UHRF1: variants seen among roughly 807,000 people sequenced by gnomAD.
UHRF1 encodes ubiquitin like with PHD and ring finger domains 1.
A neutral mutation model predicts 96.5 loss-of-function variants in UHRF1; 9 were observed. The ratio of observed to expected loss-of-function variants is 0.09; its 90% confidence interval spans 0.06 to 0.16. The LOEUF (loss-of-function observed/expected upper bound fraction) is 0.16, where lower values mean the gene tolerates loss of function less well. UHRF1 is among the 10% of genes least tolerant of loss of function. The pLI is 1.00. For synonymous variants in UHRF1, 455 were observed against 469.9 expected, an observed-to-expected ratio of 0.97 and a Z score of 0.41; for missense variants, 626 against 1,131.1, an observed-to-expected ratio of 0.55 and a Z score of 6.40.
In UHRF1 at chr19:4,939,218, ATTTT is replaced by A. The variant is rs35132707; in HGVS notation, c.786-2291_786-2288del. ...CAGGCATGAGCCACTGCACCCGGCC[ATTTT>A]TTTTTTTTTTTTTTTTTTAATTTTC... On this transcript the variant is annotated intron_variant, in intron 5 of 16. Transcript: ENST00000650932. 9.3e-4 allele frequency among the ~76,000 whole-genome samples: 112 copies of A among 120,778 alleles called. 1 individual carries two copies. The highest frequency in any genetic ancestry group is 2.7e-3 in the African/African-American group (86 of 31,544). The allele number at this position is 120,778 out of a possible 152,430, so 79.2% of individuals were successfully genotyped here. A position where few individuals can be genotyped will look rare whatever the true frequency, so the allele number is the denominator to read the frequency against.
intron 2 of UHRF1, among the ~76,000 whole-genome samples, chr19:4,926,953 C>G (rs1182419364): frequency 6.6e-6 from 1 of 152,086 alleles, no homozygotes; most frequent in Non-Finnish European, 1.5e-5. Flanking sequence ...ATCCCCGCTA[C>G]TTGGGAGGCT....
Position 4,924,465 on chromosome 19 carries a change from G to A in UHRF1, c.154-4757G>A, listed in dbSNP as rs145951796. On this transcript the variant is annotated intron_variant, in intron 2 of 16. Coordinates refer to ENST00000650932, the MANE Select transcript of UHRF1 (RefSeq NM_001048201.3). ...CACCCGGCCAATTTTTGTATTTTTA[G>A]TGGAGACGGGGTTTGGCAATGTTGC... Among the ~76,000 whole-genome samples the A allele has an allele frequency of 1.7e-3, 260 of 152,134 alleles. 1 individual carries two copies. Among genetic ancestry groups the A allele is most frequent in the Admixed American group, 2.0e-3 (31 of 15,274 alleles).
Position 4,930,996 on chromosome 19 carries a change from C to T in UHRF1, c.569+120C>T, listed in dbSNP as rs922789356. Reference sequence around the variant, plus strand: ...AGATGGTGATCAGGATCTGGGGCCCCATCCTCGAATTCCTAACAGCATACG... The same window carrying T: ...AGATGGTGATCAGGATCTGGGGCCCTATCCTCGAATTCCTAACAGCATACG... On this transcript the variant is annotated intron_variant, in intron 4 of 16. Transcript: ENST00000650932. The surrounding 1 kb of genome is among the most constrained non-coding windows in gnomAD (Gnocchi z 4.4). 2 of 1,395,728 alleles carry T rather than the reference C, an allele frequency of 1.4e-6. No homozygotes were observed. Among genetic ancestry groups the T allele is most frequent in the Non-Finnish European group, 2.0e-6 (2 of 1,019,034 alleles). The allele number at this position is 1,395,728 out of a possible 1,614,324, so 86.5% of individuals were successfully genotyped here.
rs562180438 is a variant in UHRF1, at chr19:4,946,506, C to T, written c.1410+541C>T. ...CGGCTGTACAAGTATCTCCAGCCCC[C>T]GTTTTCCATTCTTTTGGGTGTATAT... On this transcript the variant is annotated intron_variant, in intron 10 of 16. Transcript: ENST00000650932. Among the ~76,000 whole-genome samples the T allele has an allele frequency of 8.3e-4, 126 of 152,182 alleles. 1 individual carries two copies. Among genetic ancestry groups the T allele is most frequent in the African/African-American group, 2.4e-3 (100 of 41,510 alleles).
At position 4,927,380 on chromosome 19, in the gene UHRF1, CAAA is replaced by C. The variant is rs35783129; in HGVS notation, c.154-1821_154-1819del. On this transcript the variant is annotated intron_variant, in intron 2 of 16. Coordinates refer to ENST00000650932, the MANE Select transcript of UHRF1 (RefSeq NM_001048201.3). ...TGGGCGACAGAGTGAGACTCCATCT[CAAA>C]AAAAAAAAAAAAAAAAAAAATTTTT... Among the ~76,000 whole-genome samples, 655 of 83,458 alleles carry C rather than the reference CAAA, an allele frequency of 7.8e-3. 3 individuals carry two copies. The highest frequency in any genetic ancestry group is 0.029 in the African/African-American group (628 of 21,320). 54.8% of individuals were successfully genotyped at this position (83,458 alleles called of 152,430 possible). A position where few individuals can be genotyped will look rare whatever the true frequency, so the allele number is the denominator to read the frequency against.
chr19:4,914,898 T>C (rs1391922677), intron 2 of UHRF1, among the ~76,000 whole-genome samples: 2 of 152,072 alleles, frequency 1.3e-5, no homozygotes, highest in Non-Finnish European at 2.9e-5. Context: ...AGGCTCACAA[T>C]GAAAGCGAAA....
rs750977690 is a variant in UHRF1 at position 4,929,458 on chromosome 19, G to A, written c.390G>A (p.Thr130=). ...RPADEDMWDE[T]ELGLYKVNEY... ...CCGATGAGGACATGTGGGATGAGAC[G>A]GAATTGGGGCTGTACAAGGTGAGCC... is the stretch of plus-strand genomic sequence containing the variant. Residue 130 remains threonine, a synonymous_variant, in exon 3 of 17, where the codon ACG becomes ACA. Transcript: ENST00000650932. The A allele has an allele frequency of 3.7e-6, 6 of 1,613,586 alleles. No homozygotes were observed. The highest frequency in any genetic ancestry group is 2.2e-5 in the East Asian group (1 of 44,878).
chr19:4,960,739 A>G lies in UHRF1; in HGVS notation c.2318A>G (p.Gln773Arg). Reference sequence around the variant, plus strand: ...GACCTGGGCCGCAGCTATGCCATGCAGGTGAACCAGCCTCTGCAGACCGTC... The same window carrying G: ...GACCTGGGCCGCAGCTATGCCATGCGGGTGAACCAGCCTCTGCAGACCGTC... ...RYDLGRSYAM[Q>R]VNQPLQTVLN... is the part of the protein sequence containing the mutation. Residue 773 changes from glutamine (Q) to arginine (R), a missense_variant, in exon 17 of 17, where the codon CAG becomes CGG. Transcript: ENST00000650932. The G allele has an allele frequency of 6.4e-7, 1 of 1,569,770 alleles. No individual in the cohort carries two copies. Among genetic ancestry groups the G allele is most frequent in the Non-Finnish European group, 8.6e-7 (1 of 1,157,990 alleles).
intron 16 of UHRF1, among the ~76,000 whole-genome samples, chr19:4,958,607 C>A (rs576945765): frequency 6.6e-6 from 1 of 152,336 alleles, no homozygotes; most frequent in Non-Finnish European, 1.5e-5. Context: ...TGCTCTGTTC[C>A]AACTTGGGAA....
At chr19:4,926,870 C>G (rs1436066479) in intron 2 of UHRF1, among the ~76,000 whole-genome samples, 2 of 152,034 alleles carry the variant, frequency 1.3e-5, no homozygotes, top group Non-Finnish European at 2.9e-5. Context: ...CGAGACCATT[C>G]TGGCTAACAT....
chr19:4,914,361 A>G lies in UHRF1; in HGVS notation c.153+3323A>G, dbSNP rs192613257. Among the ~76,000 whole-genome samples the G allele has an allele frequency of 2.0e-4, 31 of 152,260 alleles. 1 individual carries two copies. Among genetic ancestry groups the G allele is most frequent in the African/African-American group, 7.2e-4 (30 of 41,574 alleles). On this transcript the variant is annotated intron_variant, in intron 2 of 16. Transcript: ENST00000650932. ...CAGTTCCCGGTGGGCACAAATGGGC[A>G]GTTGTCCTTATAGAATGTTCTAGAG...
At chr19:4,944,485 C>T (rs375468042) in intron 9 of UHRF1, 35 bp downstream of exon 9, 49 of 1,608,834 alleles carry the variant, frequency 3.0e-5, no homozygotes, top group African/African-American at 2.4e-4. Context: ...AGGGGCCACG[C>T]GGGCTCATCC....
chr19:4,933,996 T>TGTGTGA (rs1274692860), intron 5 of UHRF1, among the ~76,000 whole-genome samples: 2 of 150,454 alleles, frequency 1.3e-5, no homozygotes, highest in African/African-American at 2.4e-5. Context: ...TGTGTGTGTG[T>TGTGTGA]GATAAAATGT....
upstream of UHRF1, among the ~76,000 whole-genome samples, chr19:4,906,273 C>G (rs2032062588): frequency 6.6e-6 from 1 of 152,126 alleles, no homozygotes. Flanking sequence ...GCCACTGCAC[C>G]CAGCTGGACA....
chr19:4,919,755 T>C (rs1412277327), intron 2 of UHRF1, among the ~76,000 whole-genome samples: 2 of 152,152 alleles, frequency 1.3e-5, no homozygotes, highest in Non-Finnish European at 2.9e-5. Flanking sequence ...CTAGGTTCAA[T>C]GATAGGAGAC....
chr19:4,907,042 G>A (rs570142532), upstream of UHRF1, among the ~76,000 whole-genome samples: 28 of 152,336 alleles, frequency 1.8e-4, no homozygotes, highest in South Asian at 1.9e-3. Context: ...TCTGGACATC[G>A]TGGATTAGAA....
chr19:4,920,802 C>T (rs1009760183), intron 2 of UHRF1, among the ~76,000 whole-genome samples: 2 of 152,124 alleles, frequency 1.3e-5, no homozygotes, highest in African/African-American at 4.8e-5. Context: ...TGCATCTTCC[C>T]CAGTGGCTCA....
At chr19:4,936,162 T>G (rs770152423) in intron 5 of UHRF1, among the ~76,000 whole-genome samples, 1 of 152,150 alleles carries the variant, frequency 6.6e-6, no homozygotes, top group Non-Finnish European at 1.5e-5. Context: ...GGGCAGACAC[T>G]GTCCCTTGCC....
chr19:4,928,483 G>T (rs2032941821), intron 2 of UHRF1, among the ~76,000 whole-genome samples: 1 of 152,196 alleles, frequency 6.6e-6, no homozygotes. Flanking sequence ...GCTGAGTCAG[G>T]TGACCCGAGG....
Sources: gnomAD v4.1 joint callset for allele counts (sites outside exome capture counted in the v4.1 genomes callset) on GRCh38, gnomAD v4.1.1 for gene constraint, Gnocchi (gnomAD v3.1) non-coding constraint, MANE v1.5 for transcripts, NCBI Gene and HGNC (gene_info 2026-07-23, HGNC 2026-07-21) for gene names.